The following ACSS2 variants were observed in gnomAD, a reference collection of about 807,000 sequenced individuals.
The protein encoded by ACSS2 is acyl-CoA synthetase short chain family member 2.
A neutral mutation model predicts 90.6 loss-of-function variants in ACSS2; 58 were observed. The observed-to-expected ratio is 0.64, with a 90% CI of 0.52 to 0.80. The LOEUF (loss-of-function observed/expected upper bound fraction) is 0.80, where lower values mean the gene tolerates loss of function less well. Among genes scored for constraint, ACSS2 ranks in the 30% least tolerant of loss-of-function variants. ACSS2 has a pLI of 0.00. For synonymous variants in ACSS2, 300 were observed against 330.9 expected, an observed-to-expected ratio of 0.91 and a Z score of 1.01; for missense variants, 759 against 912.0, an observed-to-expected ratio of 0.83 and a Z score of 2.16.
At chr20:34,887,848 A>C (rs1279868421) in intron 2 of ACSS2, among the ~76,000 whole-genome samples, 1 of 152,074 alleles carries the variant, frequency 6.6e-6, no homozygotes, top group Non-Finnish European at 1.5e-5. Flanking sequence ...AGGCGGGCGG[A>C]TCACCTTAGG....
At chr20:34,878,091 A>C (rs1308550045) in intron 1 of ACSS2, among the ~76,000 whole-genome samples, 2 of 151,892 alleles carry the variant, frequency 1.3e-5, no homozygotes, top group African/African-American at 4.8e-5. Context: ...ACGCCATGAC[A>C]CCCAGCTACT....
chr20:34,925,870 T>C, intron 15 of ACSS2, 104 bp downstream of exon 15: 14 of 1,316,206 alleles, frequency 1.1e-5, no homozygotes, highest in South Asian at 6.7e-5. Context: ...GGCCAGACCA[T>C]GTACTAAGTG....
intron 4 of ACSS2, 36 bp from the exon 5 acceptor site, chr20:34,913,717 T>A (rs373857009): frequency 3.1e-6 from 5 of 1,593,618 alleles, no homozygotes; most frequent in Non-Finnish European, 4.3e-6. Flanking sequence ...TCCCTGGGGC[T>A]TTCTTCTCTC....
At position 34,913,141 on chromosome 20, in the gene ACSS2, G is replaced by A; in HGVS notation, c.420G>A (p.Gln140=). The change falls in exon 3 of 18, where the codon CAG becomes CAA. Residue 140 remains glutamine (Q), a synonymous_variant. Transcript: ENST00000360596. ...AGACCACTCAGATCACATACCATCAGCTTCTGGTCCAAGTGTGTCAGTTCA... is the reference window on the plus strand; with the variant it reads ...AGACCACTCAGATCACATACCATCAACTTCTGGTCCAAGTGTGTCAGTTCA... ...PGETTQITYH[Q]LLVQVCQFSN... 6.2e-7 allele frequency: 1 copy of A among 1,614,168 alleles called. No homozygotes were observed.
At chr20:34,901,717 C>T (rs944375822) in intron 2 of ACSS2, among the ~76,000 whole-genome samples, 1 of 152,154 alleles carries the variant, frequency 6.6e-6, no homozygotes, top group Non-Finnish European at 1.5e-5. Context: ...ACTTCAATAA[C>T]CATGAATTAT....
chr20:34,908,286 G>T (rs2080858596), intron 2 of ACSS2, among the ~76,000 whole-genome samples: 1 of 152,292 alleles, frequency 6.6e-6, no homozygotes, highest in Admixed American at 6.5e-5. Context: ...TCTTACTATT[G>T]CCTACAAGGC....
chr20:34,914,527 C>T (rs1030838304), intron 7 of ACSS2, 90 bp downstream of exon 7: 8 of 1,132,432 alleles, frequency 7.1e-6, no homozygotes, highest in Middle Eastern at 2.0e-4. Context: ...TTTGCCTGCT[C>T]ATCAGTATAC....
chr20:34,894,056 G>A (rs1047098244), intron 2 of ACSS2, among the ~76,000 whole-genome samples: 9 of 151,950 alleles, frequency 5.9e-5, no homozygotes, highest in Middle Eastern at 3.4e-3. Context: ...ACCAACGTTT[G>A]CTTCTTTTTG....
intron 2 of ACSS2, among the ~76,000 whole-genome samples, chr20:34,912,806 A>G (rs748121882): frequency 6.6e-6 from 1 of 152,180 alleles, no homozygotes; most frequent in Non-Finnish European, 1.5e-5. Context: ...TCCTTAATAC[A>G]TTACTAGGAT....
intron 13 of ACSS2, chr20:34,922,197 G>C (rs2081218392): frequency 4.1e-6 from 1 of 244,212 alleles, no homozygotes. Context: ...AATCACGTAG[G>C]ATCTGGAGTC....
intron 7 of ACSS2, chr20:34,915,171 A>G: frequency 2.5e-6 from 4 of 1,608,072 alleles, no homozygotes; most frequent in Non-Finnish European, 3.4e-6. Flanking sequence ...CACTCCCTGT[A>G]TACTTGGACC....
rs1279065589 is a variant in ACSS2 at position 34,876,650 on chromosome 20, G to A, written c.5G>A (p.Gly2Glu). The A allele has an allele frequency of 2.9e-6, 4 of 1,377,076 alleles. No individual in the cohort carries two copies. The highest frequency in any genetic ancestry group is 7.0e-5 in the Admixed American group (2 of 28,516). 85.3% of individuals were successfully genotyped at this position (1,377,076 alleles called of 1,614,324 possible). A position where few individuals can be genotyped will look rare whatever the true frequency, so the allele number is the denominator to read the frequency against. The change falls in exon 1 of 18, where the codon GGG (glycine) becomes GAG (glutamate). Residue 2 changes from glycine to glutamate, a missense_variant. By Grantham distance (98) the Gly-to-Glu change is moderately conservative. Coordinates refer to ENST00000360596, the MANE Select transcript of ACSS2 (RefSeq NM_018677.4). ...CGGTTCTAGGAACTTGACGTGATGG[G>A]GCTTCCTGAGGAGCGGGTCCGGAGC... MGLPEERVRSGS... is the reference protein window; with the variant it reads MELPEERVRSGS...
chr20:34,927,289 T>G lies in ACSS2; in HGVS notation c.*75T>G. On this transcript the variant is annotated 3_prime_UTR_variant, in exon 18 of 18. Coordinates refer to ENST00000360596, the MANE Select transcript of ACSS2 (RefSeq NM_018677.4). The surrounding 1 kb of genome is among the most constrained non-coding windows in gnomAD (Gnocchi z 4.2). Reference sequence around the variant, plus strand: ...ATCCTCTTTGCCCCCTCAGGAGTGCTGAGGGCCAGTGTTGACCCACACTAC... The same window carrying G: ...ATCCTCTTTGCCCCCTCAGGAGTGCGGAGGGCCAGTGTTGACCCACACTAC... 1 of 1,585,254 alleles carries G rather than the reference T, an allele frequency of 6.3e-7. No individual in the cohort carries two copies. Among genetic ancestry groups the G allele is most frequent in the South Asian group, 1.1e-5 (1 of 89,918 alleles).
chr20:34,889,674 G>T (rs2080287937), intron 2 of ACSS2, among the ~76,000 whole-genome samples: 1 of 152,212 alleles, frequency 6.6e-6, no homozygotes, highest in Admixed American at 6.5e-5. Context: ...AACCAATTAG[G>T]AGGCTATTGT....
At position 34,876,695 on chromosome 20, in the gene ACSS2, A is replaced by G. The variant is rs974483217; in HGVS notation, c.50A>G (p.Gln17Arg). ...RVRSGSGSRG[Q>R]EEAGAGGRAR... The stretch of plus-strand genomic sequence containing the variant: ...CGGAGCGGCAGCGGGAGCCGGGGCC[A>G]GGAGGAAGCTGGAGCCGGAGGCCGG... Residue 17 changes from glutamine to arginine, a missense_variant, in exon 1 of 18, where the codon CAG (glutamine) becomes CGG (arginine). By Grantham distance (43) the Gln-to-Arg change is conservative (BLOSUM62 1). Coordinates refer to ENST00000360596, the MANE Select transcript of ACSS2 (RefSeq NM_018677.4). 1 of 1,433,886 alleles carries G rather than the reference A, an allele frequency of 7.0e-7. No individual in the cohort carries two copies. The allele number at this position is 1,433,886 out of a possible 1,614,324, so 88.8% of individuals were successfully genotyped here.
rs59343003 is a variant in ACSS2, at chr20:34,919,576, A to AGTGTGTGTGTGT, written c.972+37_972+48dup. ...TGGCTCCACAGGCAAACCCAAGGCA[A>AGTGTGTGTGTGT]GTGTGTGTGTGTGTGTGTGTGTGTG... On this transcript the variant is annotated splice_donor_region_variant and intron_variant, in intron 8 of 17. Transcript: ENST00000360596. 15 of 1,475,100 alleles carry AGTGTGTGTGTGT rather than the reference A, an allele frequency of 1.0e-5. No homozygotes were observed. Among genetic ancestry groups the AGTGTGTGTGTGT allele is most frequent in the Middle Eastern group, 4.9e-4 (2 of 4,094 alleles). The allele number at this position is 1,475,100 out of a possible 1,614,324, so 91.4% of individuals were successfully genotyped here. A position where few individuals can be genotyped will look rare whatever the true frequency, so the allele number is the denominator to read the frequency against.
chr20:34,924,809 C>T (rs542096680), intron 14 of ACSS2, among the ~76,000 whole-genome samples: 4 of 152,210 alleles, frequency 2.6e-5, no homozygotes, highest in East Asian at 1.9e-4. Flanking sequence ...AAGCAATTCT[C>T]CTGCCTCAGC....
intron 2 of ACSS2, among the ~76,000 whole-genome samples, chr20:34,887,223 A>T (rs8119835): frequency 0.014 from 2,184 of 152,352 alleles, 47 homozygotes; most frequent in African/African-American, 0.05. Flanking sequence ...CAGAACTGAG[A>T]CTAATCTCCA....
At chr20:34,878,895 C>CTTTTTTTTTTTT (rs11299664) in intron 1 of ACSS2, among the ~76,000 whole-genome samples, 1 of 128,526 alleles carries the variant, frequency 7.8e-6, no homozygotes, top group Non-Finnish European at 1.7e-5. Context: ...TTCTGCTTTT[C>CTTTTTTTTTTTT]TTTTTTTTTT....
Sources: gnomAD v4.1 joint callset for allele counts (sites outside exome capture counted in the v4.1 genomes callset) on GRCh38, gnomAD v4.1.1 for gene constraint, Gnocchi (gnomAD v3.1) non-coding constraint, MANE v1.5 for transcripts, NCBI Gene and HGNC (gene_info 2026-07-23, HGNC 2026-07-21) for gene names.